The following ROBO2 variants were observed in gnomAD, a reference collection of about 807,000 sequenced individuals.
The protein encoded by ROBO2 is roundabout homolog 2.
A neutral mutation model predicts 160.8 loss-of-function variants in ROBO2; 53 were observed. That is an observed-to-expected ratio of 0.33 (90% confidence interval 0.26 to 0.41). The LOEUF is 0.41. Among genes scored for constraint, ROBO2 ranks in the 10% least tolerant of loss-of-function variants. ROBO2 has a pLI of 1.00. For synonymous variants in ROBO2, 664 were observed against 611.7 expected, an observed-to-expected ratio of 1.09 and a Z score of -1.26; for missense variants, 1,577 against 1,722.4, an observed-to-expected ratio of 0.92 and a Z score of 1.49.
intron 2 of ROBO2, among the ~76,000 whole-genome samples, chr3:77,450,882 T>C (rs574228206): frequency 6.6e-6 from 1 of 152,190 alleles, no homozygotes; most frequent in East Asian, 1.9e-4. Flanking sequence ...TTGGCCTTTA[T>C]TAATTAAAAT....
chr3:76,279,982 C>T (rs1708145273), intron 2 of ROBO2, among the ~76,000 whole-genome samples: 2 of 151,908 alleles, frequency 1.3e-5, no homozygotes, highest in Admixed American at 6.6e-5. Context: ...CGGTACTAAA[C>T]TTGGGATTTA....
intron 2 of ROBO2, among the ~76,000 whole-genome samples, chr3:76,468,827 T>C (rs1559998218): frequency 6.6e-6 from 1 of 152,134 alleles, no homozygotes. Context: ...TAAACCTTTT[T>C]TCTCACCATT....
chr3:75,995,540 T>C (rs930465872), intron 2 of ROBO2, among the ~76,000 whole-genome samples: 1 of 152,008 alleles, frequency 6.6e-6, no homozygotes, highest in Non-Finnish European at 1.5e-5. Context: ...GGAGCTCTCA[T>C]GGAGAACTTC....
At chr3:77,626,264 G>T (rs369714357) in intron 23 of ROBO2, among the ~76,000 whole-genome samples, 37 of 152,214 alleles carry the variant, frequency 2.4e-4, no homozygotes, top group African/African-American at 8.9e-4. Context: ...TCAAGATCAA[G>T]ATATTAATTT....
At chr3:76,084,087 A>G (rs1311731343) in intron 2 of ROBO2, among the ~76,000 whole-genome samples, 7 of 152,140 alleles carry the variant, frequency 4.6e-5, no homozygotes, top group Admixed American at 6.6e-5. Flanking sequence ...TCCTAGGAAA[A>G]AGCAGACACT....
intron 2 of ROBO2, among the ~76,000 whole-genome samples, chr3:76,513,164 T>C (rs1050469486): frequency 6.6e-6 from 1 of 152,098 alleles, no homozygotes; most frequent in South Asian, 2.1e-4. Context: ...TTATAAGCCA[T>C]TGTAAGAGCT....
intron 2 of ROBO2, among the ~76,000 whole-genome samples, chr3:76,271,709 T>A (rs539647748): frequency 5.9e-5 from 9 of 152,016 alleles, no homozygotes; most frequent in African/African-American, 2.4e-5. Flanking sequence ...ACCCTCCTGC[T>A]TCTCTGGCTC....
chr3:76,752,034 A>T (rs920020732), intron 2 of ROBO2, among the ~76,000 whole-genome samples: 1 of 152,208 alleles, frequency 6.6e-6, no homozygotes, highest in Non-Finnish European at 1.5e-5. Flanking sequence ...AAAGACTTGG[A>T]ACCAACCCAA....
intron 19 of ROBO2, among the ~76,000 whole-genome samples, chr3:77,599,893 CA>C (rs1207270684): frequency 6.6e-6 from 1 of 152,114 alleles, no homozygotes; most frequent in Non-Finnish European, 1.5e-5. Flanking sequence ...CTCCTGTCTT[CA>C]AATGACTTCG....
In ROBO2 at chr3:77,215,100, G is replaced by A. The variant is rs552827476; in HGVS notation, c.388+116760G>A. Among the ~76,000 whole-genome samples the A allele has an allele frequency of 5.3e-5, 8 of 152,232 alleles. No homozygotes were observed. In the South Asian group the frequency reaches 1.7e-3, roughly 32 times the overall value. On this transcript the variant is annotated intron_variant, in intron 2 of 25. Transcript: ENST00000461745. Reference sequence around the variant, plus strand: ...AAGGAGTATCTTTGTGGCGTTCTCTGTATTTCCTGAATTTGAATGTTGGCC... The same window carrying A: ...AAGGAGTATCTTTGTGGCGTTCTCTATATTTCCTGAATTTGAATGTTGGCC...
chr3:76,902,348 G>A (rs899244338), intron 2 of ROBO2, among the ~76,000 whole-genome samples: 4 of 151,946 alleles, frequency 2.6e-5, no homozygotes, highest in African/African-American at 9.7e-5. Context: ...GCAATGCTAT[G>A]TAAGTTTATT....
chr3:76,386,129 TC>T (rs1009395143), intron 2 of ROBO2, among the ~76,000 whole-genome samples: 1 of 152,158 alleles, frequency 6.6e-6, no homozygotes, highest in African/African-American at 2.4e-5. Flanking sequence ...AAATATAAAT[TC>T]ATTTGATATA....
chr3:76,654,396 G>T (rs1459574501), intron 2 of ROBO2, among the ~76,000 whole-genome samples: 1 of 152,150 alleles, frequency 6.6e-6, no homozygotes, highest in Non-Finnish European at 1.5e-5. Context: ...TTGCACACTT[G>T]AAGATAAGAA....
intron 2 of ROBO2, among the ~76,000 whole-genome samples, chr3:76,513,097 T>A (rs1040645886): frequency 9.2e-5 from 14 of 152,216 alleles, no homozygotes; most frequent in African/African-American, 2.4e-5. Context: ...CTTAGAAAGT[T>A]GATCAAGGAA....
At chr3:76,867,305 TAC>T (rs550541758) in intron 2 of ROBO2, among the ~76,000 whole-genome samples, 97 of 152,302 alleles carry the variant, frequency 6.4e-4, no homozygotes, top group Non-Finnish European at 1.2e-3. Context: ...AATGGGCACT[TAC>T]ACATTATATG....
intron 2 of ROBO2, among the ~76,000 whole-genome samples, chr3:76,525,572 T>C (rs1324302926): frequency 6.6e-6 from 1 of 152,032 alleles, no homozygotes; most frequent in African/African-American, 2.4e-5. Flanking sequence ...TCCTACTTTC[T>C]GAGTCACTTG....
At chr3:76,831,607 C>T (rs2067102085) in intron 2 of ROBO2, among the ~76,000 whole-genome samples, 1 of 152,182 alleles carries the variant, frequency 6.6e-6, no homozygotes, top group Non-Finnish European at 1.5e-5. Flanking sequence ...GAGACCAGCG[C>T]AGCCATTTGT....
intron 2 of ROBO2, among the ~76,000 whole-genome samples, chr3:76,203,387 A>G (rs1702634315): frequency 6.6e-6 from 1 of 152,108 alleles, no homozygotes; most frequent in Non-Finnish European, 1.5e-5. Flanking sequence ...GGGTTCTAGT[A>G]ACCTGAGTGA....
At position 77,126,819 on chromosome 3, in the gene ROBO2, C is replaced by T. The variant is rs1225096557; in HGVS notation, c.388+28479C>T. ...TTTTTTTTTTTTTGAGATGGAGTCGCACTCTGTCTCCCAGGCTGGAGTGCA... is the reference window on the plus strand; with the variant it reads ...TTTTTTTTTTTTTGAGATGGAGTCGTACTCTGTCTCCCAGGCTGGAGTGCA... On this transcript the variant is annotated intron_variant, in intron 2 of 25. Coordinates refer to ENST00000461745, the Ensembl canonical transcript of ROBO2. Among the ~76,000 whole-genome samples the T allele has an allele frequency of 4.1e-5, 5 of 122,360 alleles. No homozygotes were observed. In the Admixed American group the frequency reaches 5.2e-4, roughly 13 times the overall value. 80.3% of individuals were successfully genotyped at this position (122,360 alleles called of 152,430 possible).
Sources: gnomAD v4.1 joint callset for allele counts (sites outside exome capture counted in the v4.1 genomes callset) on GRCh38, gnomAD v4.1.1 for gene constraint, MANE v1.5 for transcripts, NCBI Gene and HGNC (gene_info 2026-07-23, HGNC 2026-07-21) for gene names.